The following NAPB variants were observed in gnomAD, a reference collection of about 807,000 sequenced individuals.
The protein encoded by NAPB is beta-soluble NSF attachment protein.
A neutral mutation model predicts 44.7 loss-of-function variants in NAPB; 26 were observed. The observed-to-expected ratio is 0.58, with a 90% confidence interval of 0.43 to 0.81. The LOEUF (loss-of-function observed/expected upper bound fraction) is 0.81, where lower values mean the gene tolerates loss of function less well. Ranked by LOEUF, NAPB falls within the 30% of genes least tolerant of loss-of-function variation. The probability of loss-of-function intolerance (pLI) is 0.00; values close to 1 mark genes in which losing one functional copy is unlikely to be tolerated. For missense variants in NAPB, 315 were observed against 356.4 expected (o/e 0.88, Z 0.94); for synonymous variants, 120 against 116.8 (o/e 1.03, Z -0.18).
intron 1 of NAPB, among the ~76,000 whole-genome samples, chr20:23,415,607 ACT>A (rs879499091): frequency 6.6e-6 from 1 of 151,424 alleles, no homozygotes; most frequent in African/African-American, 2.4e-5. Flanking sequence ...AAAAAAGAAA[ACT>A]CTCTGTACTC....
intron 7 of NAPB, among the ~76,000 whole-genome samples, chr20:23,386,519 C>T (rs1983533500): frequency 6.6e-6 from 1 of 152,190 alleles, no homozygotes; most frequent in African/African-American, 2.4e-5. Flanking sequence ...CCTTTATGAA[C>T]ATAGACATAA....
At position 23,421,436 on chromosome 20, in the gene NAPB, C is replaced by T. The variant is rs1034209509; in HGVS notation, c.-34G>A. The T allele has an allele frequency of 6.5e-7, 1 of 1,531,894 alleles. No individual in the cohort carries two copies. The highest frequency in any genetic ancestry group is 8.8e-7 in the Non-Finnish European group (1 of 1,137,314). 94.9% of individuals were successfully genotyped at this position (1,531,894 alleles called of 1,614,324 possible). A position where few individuals can be genotyped will look rare whatever the true frequency, so the allele number is the denominator to read the frequency against. On this transcript the variant is annotated 5_prime_UTR_variant, in exon 1 of 11. Coordinates refer to ENST00000377026, the MANE Select transcript of NAPB (RefSeq NM_022080.3). ...CCGCGGCCGCCACAGCCCCCTCAGC[C>T]GGCTCGCTGTGCGCCCAGGCGCCTT...
At chr20:23,405,468 T>C (rs1351250440) in intron 1 of NAPB, among the ~76,000 whole-genome samples, 2 of 152,170 alleles carry the variant, frequency 1.3e-5, no homozygotes, top group Non-Finnish European at 2.9e-5. Flanking sequence ...ACGCCTGTAA[T>C]CCCAGCGCTT....
At chr20:23,415,586 T>C (rs1366634287) in intron 1 of NAPB, among the ~76,000 whole-genome samples, 1 of 150,888 alleles carries the variant, frequency 6.6e-6, no homozygotes, top group East Asian at 2.0e-4. Context: ...AGAGCAAGAC[T>C]CCATTTCAAA....
In NAPB at chr20:23,374,812, C is replaced by G. The variant is rs1982367838; in HGVS notation, c.*2564G>C. On this transcript the variant is annotated 3_prime_UTR_variant, in exon 11 of 11. Coordinates refer to ENST00000377026, the MANE Select transcript of NAPB (RefSeq NM_022080.3). ...GCCACCACACACGGTCACGACTGTG[C>G]AAAAATACTGCTTTCAAATCATTAA... 1 of 137,638 alleles carries G rather than the reference C, an allele frequency of 7.3e-6. No individual in the cohort carries two copies. The highest frequency in any genetic ancestry group is 2.2e-4 in the East Asian group (1 of 4,564). The allele number at this position is 137,638 out of a possible 1,614,324, so 8.5% of individuals were successfully genotyped here.
intron 3 of NAPB, chr20:23,396,745 A>G (rs1288004012): frequency 1.3e-5 from 2 of 159,956 alleles, no homozygotes; most frequent in Non-Finnish European, 2.7e-5. Context: ...ATACATTTTC[A>G]CAAAATTAAG....
At chr20:23,377,553 C>A (rs1555789337) in intron 10 of NAPB, 67 bp from the exon 11 acceptor site, 16 of 976,142 alleles carry the variant, frequency 1.6e-5, no homozygotes. Context: ...AATAATAGTA[C>A]CCCAAGCTGT....
Position 23,374,673 on chromosome 20 carries a change from T to G in NAPB, c.*2703A>C, listed in dbSNP as rs1303939892. 1 of 152,156 alleles carries G rather than the reference T, an allele frequency of 6.6e-6. No individual in the cohort carries two copies. Among genetic ancestry groups the G allele is most frequent in the Non-Finnish European group, 1.5e-5 (1 of 68,040 alleles). The allele number at this position is 152,156 out of a possible 1,614,324, so 9.4% of individuals were successfully genotyped here. A position where few individuals can be genotyped will look rare whatever the true frequency, so the allele number is the denominator to read the frequency against. ...GGCAGGTCACGGGGGCATGCTGTGC[T>G]GCCAAGTCCTCCAAAGGAAGTCACA... On this transcript the variant is annotated 3_prime_UTR_variant, in exon 11 of 11. Coordinates refer to ENST00000377026, the MANE Select transcript of NAPB (RefSeq NM_022080.3).
At chr20:23,378,493 A>ATGCAATGG (rs1481626973) in intron 10 of NAPB, among the ~76,000 whole-genome samples, 9 of 150,120 alleles carry the variant, frequency 6.0e-5, no homozygotes, top group African/African-American at 2.2e-4. Context: ...CCAGGCTGGA[A>ATGCAATGG]TGCAATGGCG....
intron 7 of NAPB, among the ~76,000 whole-genome samples, chr20:23,387,845 T>G (rs1983643280): frequency 6.6e-6 from 1 of 152,138 alleles, no homozygotes; most frequent in African/African-American, 2.4e-5. Context: ...TCACCTTGAG[T>G]GGGCTACAGG....
chr20:23,403,168 G>T, intron 1 of NAPB, 96 bp from the exon 2 acceptor site: 1 of 833,330 alleles, frequency 1.2e-6, no homozygotes, highest in Non-Finnish European at 1.9e-6. Flanking sequence ...CTTGCTATGT[G>T]CCAGACAAGC....
At chr20:23,397,320 A>G in intron 2 of NAPB, 132 bp from the exon 3 acceptor site, 2 of 1,162,288 alleles carry the variant, frequency 1.7e-6, no homozygotes, top group South Asian at 1.8e-5. Context: ...GCAAAAATCC[A>G]TGTGGTCCAG....
intron 1 of NAPB, among the ~76,000 whole-genome samples, chr20:23,407,392 T>G (rs562057063): frequency 6.6e-6 from 1 of 152,300 alleles, no homozygotes; most frequent in African/African-American, 2.4e-5. Flanking sequence ...CGCAGCAACA[T>G]AAGTTAAACA....
intron 7 of NAPB, among the ~76,000 whole-genome samples, chr20:23,382,235 G>A (rs1008660185): frequency 6.6e-6 from 1 of 152,188 alleles, no homozygotes; most frequent in African/African-American, 2.4e-5. Context: ...GGTGTCAACA[G>A]AGACCTGGTG....
chr20:23,414,480 C>T (rs564340631), intron 1 of NAPB, among the ~76,000 whole-genome samples: 8 of 152,130 alleles, frequency 5.3e-5, no homozygotes, highest in Non-Finnish European at 8.8e-5. Context: ...AAATGTTTAT[C>T]TCCGCAGATA....
intron 3 of NAPB, 97 bp from the exon 4 acceptor site, chr20:23,395,282 G>T: frequency 7.6e-7 from 1 of 1,321,956 alleles, no homozygotes; most frequent in African/African-American, 1.5e-5. Flanking sequence ...GAACGTTAAT[G>T]AGGTATAATT....
chr20:23,415,665 A>G (rs1985954371), intron 1 of NAPB, among the ~76,000 whole-genome samples: 1 of 152,146 alleles, frequency 6.6e-6, no homozygotes, highest in African/African-American at 2.4e-5. Context: ...ATAATAAGCA[A>G]ATATTTAAAT....
At chr20:23,400,634 T>A (rs1984765959) in intron 2 of NAPB, among the ~76,000 whole-genome samples, 1 of 152,222 alleles carries the variant, frequency 6.6e-6, no homozygotes, top group Non-Finnish European at 1.5e-5. Context: ...GTATAATACC[T>A]GTGAGGATGA....
chr20:23,417,501 T>C (rs1280957194), intron 1 of NAPB, among the ~76,000 whole-genome samples: 1 of 152,198 alleles, frequency 6.6e-6, no homozygotes, highest in African/African-American at 2.4e-5. Flanking sequence ...AATTCAAAAC[T>C]ATCTTAATGT....
Sources: gnomAD v4.1 joint callset for allele counts (sites outside exome capture counted in the v4.1 genomes callset) on GRCh38, gnomAD v4.1.1 for gene constraint, MANE v1.5 for transcripts, NCBI Gene and HGNC (gene_info 2026-07-23, HGNC 2026-07-21) for gene names.